CFTR: variants seen among roughly 807,000 people sequenced by gnomAD.
CFTR encodes the protein CF transmembrane conductance regulator.
CFTR carries 181 observed loss-of-function variants against 171.6 expected under a neutral mutation model. The ratio of observed to expected loss-of-function variants is 1.05; its 90% confidence interval spans 0.93 to 1.19. The LOEUF is 1.19. Ranked by LOEUF, CFTR falls within the 50% of genes most tolerant of loss-of-function variation. CFTR has a pLI of 0.00. For missense variants in CFTR, 1,968 were observed against 1,734.7 expected (o/e 1.13, Z -2.39); for synonymous variants, 583 against 608.0 (o/e 0.96, Z 0.60).
At chr7:117,529,448 A>G (rs1272737265) in intron 3 of CFTR, among the ~76,000 whole-genome samples, 1 of 139,362 alleles carries the variant, frequency 7.2e-6, no homozygotes, top group Non-Finnish European at 1.5e-5. Flanking sequence ...GCGCACCAGC[A>G]TGGCACATGT....
At chr7:117,653,099 A>G (rs1233335432) in intron 24 of CFTR, among the ~76,000 whole-genome samples, 168 bp downstream of exon 24, 1 of 152,088 alleles carries the variant, frequency 6.6e-6, no homozygotes, top group Non-Finnish European at 1.5e-5. Context: ...GACTGGACCT[A>G]CCCCTAACTG....
chr7:117,525,313 A>G (rs1214424617), intron 3 of CFTR, among the ~76,000 whole-genome samples: 1 of 150,076 alleles, frequency 6.7e-6, no homozygotes, highest in African/African-American at 2.5e-5. Context: ...TATGTGGTCA[A>G]TTTTGGAATA....
At chr7:117,642,615 GA>G in intron 23 of CFTR, 22 bp downstream of exon 23, 1 of 1,611,308 alleles carries the variant, frequency 6.2e-7, no homozygotes, top group East Asian at 2.2e-5. Context: ...GACTTAGCCA[GA>G]AAAAAGGCAA....
intron 7 of CFTR, among the ~76,000 whole-genome samples, chr7:117,537,796 A>G (rs996256626): frequency 1.4e-4 from 21 of 152,140 alleles, no homozygotes; most frequent in African/African-American, 5.1e-4. Flanking sequence ...TTCTTGGGGG[A>G]ATTGTTCAAT....
chr7:117,482,453 C>T (rs1798012282), intron 1 of CFTR, among the ~76,000 whole-genome samples: 1 of 152,022 alleles, frequency 6.6e-6, no homozygotes. Flanking sequence ...ATTTGAAGAA[C>T]ATCTGAACTA....
rs1333390062 is a variant in CFTR at position 117,514,995 on chromosome 7, AG to A, written c.273+5856del. Among the ~76,000 whole-genome samples, 14 of 151,250 alleles carry A rather than the reference AG, an allele frequency of 9.3e-5. No homozygotes were observed. The South Asian group carries it at 2.5e-3, about 27-fold the overall frequency. On this transcript the variant is annotated intron_variant, in intron 3 of 26. Coordinates refer to ENST00000003084, the MANE Select transcript of CFTR (RefSeq NM_000492.4). ...GTTCATATCCTTTGCCCACCTTAATAGGGTTTTTTTTTTCTTGTGAATTTGT... is the reference window on the plus strand; with the variant it reads ...GTTCATATCCTTTGCCCACCTTAATAGGTTTTTTTTTTCTTGTGAATTTGT...
intron 8 of CFTR, among the ~76,000 whole-genome samples, chr7:117,541,102 C>T (rs1327749076): frequency 6.6e-6 from 1 of 152,178 alleles, no homozygotes; most frequent in Non-Finnish European, 1.5e-5. Context: ...AGTCCCATTC[C>T]TTCATTATAT....
At chr7:117,577,008 T>A (rs932570397) in intron 11 of CFTR, among the ~76,000 whole-genome samples, 3 of 152,006 alleles carry the variant, frequency 2.0e-5, no homozygotes, top group African/African-American at 7.2e-5. Context: ...TGTGAACAGA[T>A]AAGAAAATGG....
At chr7:117,637,911 G>A (rs1416031610) in intron 22 of CFTR, among the ~76,000 whole-genome samples, 1 of 152,078 alleles carries the variant, frequency 6.6e-6, no homozygotes, top group Non-Finnish European at 1.5e-5. Context: ...ATTTGAAAAT[G>A]GTTACTTTTC....
At chr7:117,660,097 G>A (rs575851481) in intron 24 of CFTR, among the ~76,000 whole-genome samples, 74 of 151,650 alleles carry the variant, frequency 4.9e-4, no homozygotes, top group South Asian at 3.1e-3. Flanking sequence ...AGTTTGGGAA[G>A]TACATACTAT....
At chr7:117,580,193 A>T (rs968645158) in intron 11 of CFTR, among the ~76,000 whole-genome samples, 2 of 152,100 alleles carry the variant, frequency 1.3e-5, no homozygotes, top group East Asian at 1.9e-4. Context: ...ATATGCAGCA[A>T]AAAAGGTTTT....
chr7:117,554,478 T>C lies in CFTR; in HGVS notation c.1393-4986T>C, dbSNP rs143084551. Among the ~76,000 whole-genome samples the C allele has an allele frequency of 1.8e-3, 276 of 152,220 alleles. 6 individuals are homozygous for C. The highest frequency in any genetic ancestry group is 0.011 in the Admixed American group (173 of 15,296). On this transcript the variant is annotated intron_variant, in intron 10 of 26. Transcript: ENST00000003084. Reference sequence around the variant, plus strand: ...TGGAGCTTGGTTTGGGAATATTAAGTTTGAAATGCCTATTTGACATCCAAA... The same window carrying C: ...TGGAGCTTGGTTTGGGAATATTAAGCTTGAAATGCCTATTTGACATCCAAA...
chr7:117,650,442 T>C (rs528565823), intron 23 of CFTR, among the ~76,000 whole-genome samples: 44 of 152,190 alleles, frequency 2.9e-4, no homozygotes, highest in African/African-American at 9.6e-4. Flanking sequence ...TCATAAAACA[T>C]GGAAGAACAA....
chr7:117,577,859 C>T (rs1443499745), intron 11 of CFTR, among the ~76,000 whole-genome samples: 9 of 152,110 alleles, frequency 5.9e-5, no homozygotes, highest in African/African-American at 1.9e-4. Context: ...TCCATATCTT[C>T]CACATGTGTT....
At chr7:117,639,664 T>G (rs1364999161) in intron 22 of CFTR, among the ~76,000 whole-genome samples, 5 of 152,200 alleles carry the variant, frequency 3.3e-5, no homozygotes, top group Non-Finnish European at 7.4e-5. Flanking sequence ...TATCAAGGAT[T>G]CAAATCATAT....
At chr7:117,484,135 G>T (rs1798037588) in intron 1 of CFTR, among the ~76,000 whole-genome samples, 1 of 152,168 alleles carries the variant, frequency 6.6e-6, no homozygotes, top group African/African-American at 2.4e-5. Context: ...GAGGGTGTTT[G>T]TAAAAGTGTT....
intron 15 of CFTR, among the ~76,000 whole-genome samples, chr7:117,602,051 A>G (rs1792234568): frequency 6.6e-6 from 1 of 151,920 alleles, no homozygotes; most frequent in East Asian, 1.9e-4. Flanking sequence ...TTTTTTTTTA[A>G]GACAATCTCA....
intron 18 of CFTR, among the ~76,000 whole-genome samples, chr7:117,607,193 G>A (rs1270027065): frequency 6.6e-6 from 1 of 152,138 alleles, no homozygotes; most frequent in African/African-American, 2.4e-5. Context: ...GCACAGATTA[G>A]CTAGCCCATT....
At chr7:117,623,688 GACCT>G (rs1175224347) in intron 21 of CFTR, among the ~76,000 whole-genome samples, 1 of 152,144 alleles carries the variant, frequency 6.6e-6, no homozygotes, top group East Asian at 1.9e-4. Flanking sequence ...TGCTAATGTA[GACCT>G]ACAGCACTGT....
Sources: gnomAD v4.1 joint callset for allele counts (sites outside exome capture counted in the v4.1 genomes callset) on GRCh38, gnomAD v4.1.1 for gene constraint, MANE v1.5 for transcripts, NCBI Gene and HGNC (gene_info 2026-07-23, HGNC 2026-07-21) for gene names.